Variants in TRPM3 observed in about 807,000 individuals in gnomAD.
TRPM3 encodes the protein transient receptor potential cation channel subfamily M member 3.
TRPM3 carries 77 observed loss-of-function variants against 181.2 expected under a neutral mutation model. The ratio of observed to expected loss-of-function variants is 0.42; its 90% confidence interval spans 0.35 to 0.51. The LOEUF (loss-of-function observed/expected upper bound fraction) is 0.51, where lower values mean the gene tolerates loss of function less well. Among genes scored for constraint, TRPM3 ranks in the 20% least tolerant of loss-of-function variants. The pLI, the probability that TRPM3 is intolerant of heterozygous loss-of-function variation, is 0.01. For missense variants in TRPM3, 1,759 were observed against 2,196.7 expected (o/e 0.80, Z 3.98); for synonymous variants, 745 against 796.4 (o/e 0.94, Z 1.09).
intron 7 of TRPM3, among the ~76,000 whole-genome samples, chr9:70,772,265 CAG>C (rs2080440081): frequency 6.6e-6 from 1 of 151,932 alleles, no homozygotes; most frequent in Non-Finnish European, 1.5e-5. Flanking sequence ...GTCAAGCACT[CAG>C]GGAGTCTCTG....
intron 1 of TRPM3, among the ~76,000 whole-genome samples, chr9:71,386,860 T>C (rs930664859): frequency 2.6e-5 from 4 of 152,186 alleles, no homozygotes; most frequent in Non-Finnish European, 4.4e-5. Flanking sequence ...AATTTGATTC[T>C]TAGTTTACCA....
chr9:70,612,211 A>T lies in TRPM3; in HGVS notation c.2527-1462T>A, dbSNP rs138668701. Among the ~76,000 whole-genome samples the T allele has an allele frequency of 5.8e-3, 883 of 152,324 alleles. 23 individuals carry two copies. Among genetic ancestry groups the T allele is most frequent in the Admixed American group, 0.036 (547 of 15,306 alleles). On this transcript the variant is annotated intron_variant, in intron 18 of 25. Transcript: ENST00000677713. ...ACTAGAACAAAAAAGTGTTATTAGA[A>T]TCTATAACAGCATAATTTCTTGACT...
chr9:70,829,448 C>A (rs1363801018), intron 5 of TRPM3, among the ~76,000 whole-genome samples: 1 of 152,032 alleles, frequency 6.6e-6, no homozygotes, highest in East Asian at 1.9e-4. Context: ...GAAAAAAAAT[C>A]CTTTCTTTTC....
At chr9:70,581,625 C>T (rs976341353) in intron 22 of TRPM3, among the ~76,000 whole-genome samples, 7 of 152,164 alleles carry the variant, frequency 4.6e-5, no homozygotes, top group Non-Finnish European at 1.0e-4. Flanking sequence ...AATCTTGCCA[C>T]GTTATTCAGA....
chr9:70,871,746 T>C (rs747067626), intron 1 of TRPM3, among the ~76,000 whole-genome samples: 2 of 152,014 alleles, frequency 1.3e-5, no homozygotes, highest in Non-Finnish European at 2.9e-5. Context: ...TCAACCTGTT[T>C]CAGATGTAGT....
chr9:71,023,254 C>G (rs2097860907), intron 1 of TRPM3, among the ~76,000 whole-genome samples: 1 of 152,064 alleles, frequency 6.6e-6, no homozygotes, highest in Non-Finnish European at 1.5e-5. Flanking sequence ...ACGTAATTCG[C>G]CATCAGGGAA....
At position 70,553,025 on chromosome 9, in the gene TRPM3, T is replaced by C; in HGVS notation, c.3393A>G (p.Val1131=). Reference sequence around the variant, plus strand: ...TCCAGACTTGGTTGGATATCGATTTTACTTCAAAAAATGTATTGCTAAAAT... The same window carrying C: ...TCCAGACTTGGTTGGATATCGATTTCACTTCAAAAAATGTATTGCTAAAAT... ...IAVFNNTFFE[V]KSISNQVWKF... Residue 1131 remains valine (V), a synonymous_variant, in exon 24 of 26, where the codon GTA becomes GTG. Transcript: ENST00000677713. 1 of 1,614,194 alleles carries C rather than the reference T, an allele frequency of 6.2e-7. No individual in the cohort carries two copies.
chr9:71,309,737 C>T (rs572294214), intron 1 of TRPM3, among the ~76,000 whole-genome samples: 10 of 152,138 alleles, frequency 6.6e-5, no homozygotes, highest in Admixed American at 2.6e-4. Flanking sequence ...GCAAGCAATA[C>T]GCTGATATCT....
Position 71,121,516 on chromosome 9 carries a change from A to C in TRPM3, c.-162T>G. ...ATGCATACCAAATGTGGCTGAATGG[A>C]GGCACACTGCCTGCTGCTTCGGGGA... is the stretch of plus-strand genomic sequence containing the variant. On this transcript the variant is annotated 5_prime_UTR_variant, in exon 1 of 26. Transcript: ENST00000677713. The C allele has an allele frequency of 7.1e-7, 1 of 1,405,878 alleles. No homozygotes were observed. The highest frequency in any genetic ancestry group is 9.2e-7 in the Non-Finnish European group (1 of 1,083,482). 87.1% of individuals were successfully genotyped at this position (1,405,878 alleles called of 1,614,324 possible).
chr9:71,381,355 A>G (rs1193786995), intron 1 of TRPM3, among the ~76,000 whole-genome samples: 4 of 152,102 alleles, frequency 2.6e-5, no homozygotes, highest in Non-Finnish European at 5.9e-5. Context: ...GTAGGTGGGT[A>G]TATCACTGGG....
intron 21 of TRPM3, among the ~76,000 whole-genome samples, chr9:70,595,180 T>A (rs946257784): frequency 6.6e-6 from 1 of 152,234 alleles, no homozygotes; most frequent in Non-Finnish European, 1.5e-5. Context: ...TGCATTAGCA[T>A]GACTTCAGTT....
chr9:70,686,815 TTTTC>T (rs1422131886), intron 8 of TRPM3, among the ~76,000 whole-genome samples: 1 of 89,510 alleles, frequency 1.1e-5, no homozygotes, highest in African/African-American at 4.3e-5. Flanking sequence ...CTTTCTTTTC[TTTTC>T]TTTTTCTTTT....
chr9:71,359,588 T>A (rs1167913581), intron 1 of TRPM3, among the ~76,000 whole-genome samples: 1 of 152,178 alleles, frequency 6.6e-6, no homozygotes, highest in Non-Finnish European at 1.5e-5. Flanking sequence ...ACAAATATTA[T>A]GGGTGCCTCT....
In TRPM3 at chr9:70,745,368, A is replaced by G. The variant is rs1253328697; in HGVS notation, c.1272+16233T>C. On this transcript the variant is annotated intron_variant, in intron 8 of 25. Coordinates refer to ENST00000677713, the MANE Select transcript of TRPM3 (RefSeq NM_001366145.2). ...TCTAATAATTTAAAAGAGTTTCAGA[A>G]CCTCAAAAATTTATCAGTGACCCAC... 2.0e-5 allele frequency among the ~76,000 whole-genome samples: 3 copies of G among 152,166 alleles called. No individual in the cohort carries two copies. The East Asian group carries it at 5.8e-4, about 29-fold the overall frequency.
At chr9:70,900,371 CA>C (rs372645849) in intron 1 of TRPM3, among the ~76,000 whole-genome samples, 38 of 147,110 alleles carry the variant, frequency 2.6e-4, no homozygotes, top group Admixed American at 1.4e-3. Flanking sequence ...AAACAAACAA[CA>C]AAAAAAAACT....
chr9:70,984,328 G>A (rs1325163515), intron 1 of TRPM3, among the ~76,000 whole-genome samples: 1 of 152,132 alleles, frequency 6.6e-6, no homozygotes, highest in Non-Finnish European at 1.5e-5. Context: ...TAAATTAACA[G>A]AAGTTCTATA....
rs886719012 is a variant in TRPM3, at chr9:71,171,403, C to T, written c.183+275250G>A. Among the ~76,000 whole-genome samples, 10 of 152,190 alleles carry T rather than the reference C, an allele frequency of 6.6e-5. No homozygotes were observed. In the East Asian group the frequency reaches 1.9e-3, roughly 29 times the overall value. ...CTGGTTTTTGTGGCTTGTGGGGCATCACGGAACCTACCGACATGTGATGTC... is the reference window on the plus strand; with the variant it reads ...CTGGTTTTTGTGGCTTGTGGGGCATTACGGAACCTACCGACATGTGATGTC... On this transcript the variant is annotated intron_variant, in intron 1 of 24. Transcript: ENST00000357533.
At chr9:70,944,723 G>A (rs1198128148) in intron 1 of TRPM3, among the ~76,000 whole-genome samples, 1 of 151,984 alleles carries the variant, frequency 6.6e-6, no homozygotes, top group African/African-American at 2.4e-5. Context: ...TTTCCCTTCA[G>A]TTTTTCCAAA....
intron 1 of TRPM3, among the ~76,000 whole-genome samples, chr9:70,934,740 T>A (rs1401012513): frequency 2.6e-5 from 4 of 152,188 alleles, no homozygotes; most frequent in African/African-American, 9.7e-5. Flanking sequence ...AAGTTGAATA[T>A]CTTTGTTTCT....
Sources: allele counts gnomAD v4.1 joint callset (sites outside exome capture counted in the v4.1 genomes callset), GRCh38; gene constraint gnomAD v4.1.1; transcripts MANE v1.5; gene names NCBI Gene and HGNC (gene_info 2026-07-23, HGNC 2026-07-21).